The following XRCC4 variants were observed in gnomAD, a reference collection of about 807,000 sequenced individuals.
XRCC4 encodes DNA repair protein XRCC4.
XRCC4 carries 28 observed loss-of-function variants against 39.1 expected under a neutral mutation model. That is an observed-to-expected ratio of 0.72 (90% CI 0.53 to 0.98). The LOEUF (loss-of-function observed/expected upper bound fraction) is 0.98. XRCC4 is among the 50% of genes least tolerant of loss of function. XRCC4 has a pLI of 0.00. For missense variants in XRCC4, 350 were observed against 376.4 expected, an observed-to-expected ratio of 0.93 and a Z score of 0.58; for synonymous variants, 123 against 126.4, an observed-to-expected ratio of 0.97 and a Z score of 0.18.
At chr5:83,330,359 C>G (rs1016821765) in intron 7 of XRCC4, among the ~76,000 whole-genome samples, 4 of 151,774 alleles carry the variant, frequency 2.6e-5, no homozygotes, top group Non-Finnish European at 5.9e-5. Context: ...TATAATTATA[C>G]AAGATAGTAT....
At chr5:83,168,616 T>C (rs1204794978) in intron 3 of XRCC4, among the ~76,000 whole-genome samples, 1 of 152,120 alleles carries the variant, frequency 6.6e-6, no homozygotes, top group Non-Finnish European at 1.5e-5. Flanking sequence ...TTTAAGTATG[T>C]ACTAGGCCAT....
intron 4 of XRCC4, among the ~76,000 whole-genome samples, chr5:83,197,857 T>C (rs1311375492): frequency 1.3e-5 from 2 of 152,152 alleles, no homozygotes; most frequent in Non-Finnish European, 2.9e-5. Flanking sequence ...CTCCAGAGAA[T>C]TCTAGTCTCT....
chr5:83,225,605 G>GAAA (rs869143323), intron 6 of XRCC4, among the ~76,000 whole-genome samples: 3 of 60,376 alleles, frequency 5.0e-5, no homozygotes, highest in East Asian at 4.7e-4. Context: ...ATTTATTCCA[G>GAAA]AAAAAAAAAA....
At chr5:83,324,676 A>T (rs969592600) in intron 7 of XRCC4, among the ~76,000 whole-genome samples, 3 of 152,084 alleles carry the variant, frequency 2.0e-5, no homozygotes, top group Non-Finnish European at 2.9e-5. Flanking sequence ...AATTCCATAC[A>T]TGTTCATGCC....
At chr5:83,257,818 A>G (rs182819261) in intron 6 of XRCC4, among the ~76,000 whole-genome samples, 116 of 152,352 alleles carry the variant, frequency 7.6e-4, no homozygotes, top group African/African-American at 2.6e-3. Flanking sequence ...CTGGATAAAG[A>G]AAATGTGGCA....
intron 2 of XRCC4, among the ~76,000 whole-genome samples, chr5:83,106,614 A>G (rs1746210500): frequency 6.6e-6 from 1 of 151,986 alleles, no homozygotes; most frequent in Admixed American, 6.6e-5. Flanking sequence ...CTTATCTCTT[A>G]ATTTAACCAG....
At chr5:83,199,638 A>C (rs926364237) in intron 4 of XRCC4, among the ~76,000 whole-genome samples, 1 of 151,124 alleles carries the variant, frequency 6.6e-6, no homozygotes, top group African/African-American at 2.5e-5. Context: ...TTTCTGCATG[A>C]AATTGTTGTG....
chr5:83,111,485 A>AGG (rs1451976439), intron 3 of XRCC4, among the ~76,000 whole-genome samples: 1 of 152,074 alleles, frequency 6.6e-6, no homozygotes, highest in Non-Finnish European at 1.5e-5. Context: ...ATCTTGAAAA[A>AGG]GGTGAGATCA....
chr5:83,334,521 GA>G (rs1279942005), intron 7 of XRCC4, among the ~76,000 whole-genome samples: 2 of 151,864 alleles, frequency 1.3e-5, no homozygotes, highest in African/African-American at 4.8e-5. Context: ...TGAGGTTATT[GA>G]AAATGATCAA....
At chr5:83,145,015 C>A (rs918802510) in intron 3 of XRCC4, among the ~76,000 whole-genome samples, 5 of 152,222 alleles carry the variant, frequency 3.3e-5, no homozygotes, top group African/African-American at 1.2e-4. Context: ...CCTGCCTCAG[C>A]CTCCCGAGTA....
chr5:83,134,845 T>G (rs890176846), intron 3 of XRCC4, among the ~76,000 whole-genome samples: 1 of 151,956 alleles, frequency 6.6e-6, no homozygotes, highest in Non-Finnish European at 1.5e-5. Context: ...CCATGAACCC[T>G]CTGGGCAGAA....
intron 6 of XRCC4, among the ~76,000 whole-genome samples, chr5:83,244,082 T>A (rs988071086): frequency 7.3e-6 from 1 of 136,734 alleles, no homozygotes; most frequent in Non-Finnish European, 1.6e-5. Context: ...GTAACTAATT[T>A]AAAAGATATT....
At chr5:83,266,022 G>A (rs185326462) in intron 7 of XRCC4, among the ~76,000 whole-genome samples, 15 of 151,858 alleles carry the variant, frequency 9.9e-5, no homozygotes, top group East Asian at 1.9e-4. Flanking sequence ...GGGATTTATC[G>A]TATGTTTCCT....
At chr5:83,083,988 T>C (rs1205536391) in intron 1 of XRCC4, among the ~76,000 whole-genome samples, 1 of 152,204 alleles carries the variant, frequency 6.6e-6, no homozygotes, top group Non-Finnish European at 1.5e-5. Flanking sequence ...TACAAACTTA[T>C]ATTATAATTC....
At chr5:83,114,077 T>C (rs1316263907) in intron 3 of XRCC4, among the ~76,000 whole-genome samples, 1 of 152,162 alleles carries the variant, frequency 6.6e-6, no homozygotes. Flanking sequence ...TACCTTTGCC[T>C]GTTTTAGCGA....
downstream of XRCC4, among the ~76,000 whole-genome samples, chr5:83,358,286 C>T (rs1757212552): frequency 6.6e-6 from 1 of 152,072 alleles, no homozygotes; most frequent in South Asian, 2.1e-4. Context: ...CTCCCAACTC[C>T]CTTTCTTATC....
downstream of XRCC4, among the ~76,000 whole-genome samples, chr5:83,355,881 G>A (rs554655113): frequency 1.6e-4 from 25 of 152,134 alleles, 1 homozygote; most frequent in East Asian, 3.9e-4. Context: ...CAAGTGATCC[G>A]CCCACCTCGG....
At chr5:83,119,346 G>A (rs1218057923) in intron 3 of XRCC4, among the ~76,000 whole-genome samples, 1 of 152,144 alleles carries the variant, frequency 6.6e-6, no homozygotes, top group East Asian at 1.9e-4. Flanking sequence ...CTTTATTTTG[G>A]TGATAAAAGT....
At chr5:83,212,925 TAAAA>T (rs777025309) in intron 6 of XRCC4, among the ~76,000 whole-genome samples, 2 of 61,614 alleles carry the variant, frequency 3.2e-5, no homozygotes. Flanking sequence ...AGATTCCATC[TAAAA>T]AAAAAAAAAA....
Sources: allele counts gnomAD v4.1 joint callset (sites outside exome capture counted in the v4.1 genomes callset), GRCh38; gene constraint gnomAD v4.1.1; transcripts MANE v1.5; gene names NCBI Gene and HGNC (gene_info 2026-07-23, HGNC 2026-07-21).